KCNH5: variants seen among roughly 807,000 people sequenced by gnomAD.
KCNH5 encodes the protein voltage-gated delayed rectifier potassium channel KCNH5.
KCNH5 carries 46 observed loss-of-function variants against 96.1 expected under a neutral mutation model. The ratio of observed to expected loss-of-function variants is 0.48; its 90% CI spans 0.38 to 0.61. The LOEUF (loss-of-function observed/expected upper bound fraction) is 0.61, where lower values mean the gene tolerates loss of function less well. KCNH5 is among the 20% of genes least tolerant of loss of function. The pLI is 0.00. For synonymous variants in KCNH5, 439 were observed against 449.8 expected, an observed-to-expected ratio of 0.98 and a Z score of 0.30; for missense variants, 907 against 1,225.8, an observed-to-expected ratio of 0.74 and a Z score of 3.88.
intron 5 of KCNH5, among the ~76,000 whole-genome samples, chr14:62,982,380 T>C (rs530924954): frequency 2.0e-5 from 3 of 152,250 alleles, no homozygotes; most frequent in Middle Eastern, 3.4e-3. Context: ...CCCTGTGCCA[T>C]CAATGAAGCC....
chr14:62,960,684 T>A (rs982406614), intron 6 of KCNH5, among the ~76,000 whole-genome samples: 17 of 152,098 alleles, frequency 1.1e-4, no homozygotes, highest in African/African-American at 3.9e-4. Context: ...AGAAAAAAAA[T>A]TGCAAACTAC....
intron 7 of KCNH5, among the ~76,000 whole-genome samples, chr14:62,941,440 G>A (rs184561757): frequency 1.5e-3 from 234 of 152,148 alleles, no homozygotes; most frequent in African/African-American, 5.5e-3. Context: ...GACTGCCCTG[G>A]ACTACACATC....
intron 10 of KCNH5, among the ~76,000 whole-genome samples, chr14:62,720,524 A>C (rs879675469): frequency 1.3e-5 from 2 of 152,200 alleles, no homozygotes; most frequent in African/African-American, 4.8e-5. Flanking sequence ...CGGAGCCTGC[A>C]CTGAGCTGAG....
intron 2 of KCNH5, among the ~76,000 whole-genome samples, chr14:63,007,760 GTGGCTAA>G (rs1336019550): frequency 2.6e-5 from 4 of 152,122 alleles, no homozygotes; most frequent in Non-Finnish European, 5.9e-5. Flanking sequence ...AGGTACAAGT[GTGGCTAA>G]TGGAAGGGAA....
chr14:62,723,148 T>TA (rs1884852326), intron 10 of KCNH5, among the ~76,000 whole-genome samples: 1 of 151,946 alleles, frequency 6.6e-6, no homozygotes, highest in African/African-American at 2.4e-5. Context: ...TTTTTTTTTT[T>TA]ACCATAAAAG....
At chr14:62,767,464 A>AT (rs36024146) in intron 10 of KCNH5, among the ~76,000 whole-genome samples, 14,250 of 152,304 alleles carry the variant, frequency 0.094, 838 homozygotes, top group East Asian at 0.28. Flanking sequence ...AAAATGGGGT[A>AT]TATATACACA....
intron 7 of KCNH5, among the ~76,000 whole-genome samples, chr14:62,889,513 C>T (rs1888661895): frequency 6.6e-6 from 1 of 152,190 alleles, no homozygotes; most frequent in Admixed American, 6.5e-5. Context: ...GATGATGATG[C>T]AGTAGTCGAG....
At chr14:62,749,282 G>A (rs1485255282) in intron 10 of KCNH5, among the ~76,000 whole-genome samples, 1 of 152,148 alleles carries the variant, frequency 6.6e-6, no homozygotes, top group African/African-American at 2.4e-5. Context: ...TCACTGATTG[G>A]CTCACAGGAA....
chr14:62,769,169 A>G (rs1885931176), intron 10 of KCNH5, among the ~76,000 whole-genome samples: 1 of 152,074 alleles, frequency 6.6e-6, no homozygotes, highest in Non-Finnish European at 1.5e-5. Context: ...CCCTTAACTC[A>G]CTTGTCTTAC....
chr14:62,891,991 T>C (rs917388680), intron 7 of KCNH5, among the ~76,000 whole-genome samples: 3 of 152,148 alleles, frequency 2.0e-5, no homozygotes, highest in African/African-American at 7.2e-5. Flanking sequence ...ATATTGAAAT[T>C]AGGCCAGTTA....
chr14:62,807,462 T>C (rs11847525), intron 8 of KCNH5, among the ~76,000 whole-genome samples: 16,586 of 152,096 alleles, frequency 0.11, 1,474 homozygotes, highest in African/African-American at 0.24. Flanking sequence ...TTTAGTAATA[T>C]TTGCAAAATA....
intron 10 of KCNH5, among the ~76,000 whole-genome samples, chr14:62,718,089 G>A (rs2139910092): frequency 6.6e-6 from 1 of 152,198 alleles, no homozygotes; most frequent in East Asian, 1.9e-4. Flanking sequence ...TGTAAAGACA[G>A]GAACAACAGA....
At chr14:62,734,864 C>T (rs903565229) in intron 10 of KCNH5, among the ~76,000 whole-genome samples, 13 of 151,754 alleles carry the variant, frequency 8.6e-5, no homozygotes, top group African/African-American at 3.1e-4. Flanking sequence ...AATAATAAAC[C>T]CTTGTTATGC....
At chr14:62,779,136 T>C (rs555233834) in intron 10 of KCNH5, among the ~76,000 whole-genome samples, 2 of 152,340 alleles carry the variant, frequency 1.3e-5, no homozygotes, top group East Asian at 3.9e-4. Context: ...GATTTCTTCA[T>C]GCAAATTAAA....
intron 10 of KCNH5, among the ~76,000 whole-genome samples, chr14:62,745,511 A>G (rs1367737516): frequency 6.6e-6 from 1 of 152,210 alleles, no homozygotes; most frequent in Admixed American, 6.5e-5. Context: ...AGAAACTTTC[A>G]CAGAGCCAAT....
chr14:62,956,850 T>C (rs1474712075), intron 6 of KCNH5, among the ~76,000 whole-genome samples: 1 of 152,186 alleles, frequency 6.6e-6, no homozygotes, highest in Non-Finnish European at 1.5e-5. Flanking sequence ...AACAATGTTT[T>C]GATGCTGTAC....
chr14:63,010,006 C>T (rs1270646659), intron 2 of KCNH5, among the ~76,000 whole-genome samples: 1 of 152,154 alleles, frequency 6.6e-6, no homozygotes, highest in Non-Finnish European at 1.5e-5. Flanking sequence ...TTTAAAATCA[C>T]AAAACTTCCA....
chr14:62,702,197 G>A lies in KCNH5; in HGVS notation c.*5311C>T, dbSNP rs977305143. On this transcript the variant is annotated 3_prime_UTR_variant, in exon 11 of 11. Coordinates refer to ENST00000322893, the MANE Select transcript of KCNH5 (RefSeq NM_139318.5). ...CATTTGACAGTTTACTTTGGCCGAT[G>A]TCTTTCAACTGTTAGGAGAAGTAAA... 2 of 152,038 alleles carry A rather than the reference G, an allele frequency of 1.3e-5. No individual in the cohort carries two copies. The highest frequency in any genetic ancestry group is 4.8e-5 in the African/African-American group (2 of 41,428). 9.4% of individuals were successfully genotyped at this position (152,038 alleles called of 1,614,324 possible).
Position 62,708,039 on chromosome 14 carries a change from C to T in KCNH5, c.2436G>A (p.Leu812=), listed in dbSNP as rs1884476768. 6.2e-7 allele frequency: 1 copy of T among 1,614,212 alleles called. No homozygotes were observed. Among genetic ancestry groups the T allele is most frequent in the Non-Finnish European group, 8.5e-7 (1 of 1,180,040 alleles). Reference sequence around the variant, plus strand: ...GGGCTCCCATATTATTCTTGAGTCGCAGCCACCCTTTTCCATTTCCATTCT... The same window carrying T: ...GGGCTCCCATATTATTCTTGAGTCGTAGCCACCCTTTTCCATTTCCATTCT... The part of the protein sequence containing the change: ...RMKNGNGKGW[L]RLKNNMGAHE... The change falls in exon 11 of 11, where the codon CTG becomes CTA. Residue 812 remains leucine (L), a synonymous_variant. Coordinates refer to ENST00000322893, the MANE Select transcript of KCNH5 (RefSeq NM_139318.5).
Sources: allele counts gnomAD v4.1 joint callset (sites outside exome capture counted in the v4.1 genomes callset), GRCh38; gene constraint gnomAD v4.1.1; transcripts MANE v1.5; gene names NCBI Gene and HGNC (gene_info 2026-07-23, HGNC 2026-07-21).